The following CDH4 variants were observed in gnomAD, a reference collection of about 807,000 sequenced individuals.
CDH4 encodes cadherin-4.
CDH4 carries 33 observed loss-of-function variants against 86.0 expected under a neutral mutation model. The observed-to-expected ratio is 0.38, with a 90% CI of 0.29 to 0.51. The LOEUF is 0.51. Among genes scored for constraint, CDH4 ranks in the 20% least tolerant of loss-of-function variants. The pLI is 0.86. For missense variants in CDH4, 1,114 were observed against 1,307.4 expected (o/e 0.85, Z 2.28); for synonymous variants, 555 against 549.4 (o/e 1.01, Z -0.14).
At chr20:61,565,247 G>GGTGGTGCTCTTGGTGTTGGTTGTGGTC (rs2086273033) in intron 2 of CDH4, among the ~76,000 whole-genome samples, 1 of 116,308 alleles carries the variant, frequency 8.6e-6, no homozygotes, top group African/African-American at 3.3e-5. Context: ...TGGTGGCGGT[G>GGTGGTGCTCTTGGTGTTGGTTGTGGTC]CTCTTGGTGA....
chr20:61,319,429 G>C (rs1057024235), intron 2 of CDH4, among the ~76,000 whole-genome samples: 1 of 152,002 alleles, frequency 6.6e-6, no homozygotes, highest in East Asian at 1.9e-4. Flanking sequence ...TCATTCATCC[G>C]TCCACCTTGT....
chr20:61,839,347 GT>G (rs1568842942), intron 4 of CDH4, among the ~76,000 whole-genome samples: 3 of 151,872 alleles, frequency 2.0e-5, no homozygotes, highest in Admixed American at 2.0e-4. Context: ...CATATTTTGT[GT>G]TTGTGTATGT....
chr20:61,869,670 C>T (rs893695932), intron 6 of CDH4, among the ~76,000 whole-genome samples: 8 of 152,258 alleles, frequency 5.3e-5, no homozygotes, highest in African/African-American at 1.7e-4. Context: ...CTCACGTCCA[C>T]ATCCTGGCCC....
intron 2 of CDH4, among the ~76,000 whole-genome samples, chr20:61,593,529 T>C (rs548129648): frequency 1.3e-5 from 2 of 152,338 alleles, no homozygotes; most frequent in Admixed American, 1.3e-4. Context: ...TCCAGTTTCA[T>C]GTTTTAGTTT....
intron 4 of CDH4, among the ~76,000 whole-genome samples, chr20:61,823,371 G>A (rs1382628681): frequency 2.8e-4 from 6 of 21,586 alleles, no homozygotes; most frequent in Non-Finnish European, 6.1e-4. Flanking sequence ...CAGTGATGAT[G>A]ATGGCAGTGA....
chr20:61,877,897 G>A (rs748011703), intron 7 of CDH4, among the ~76,000 whole-genome samples: 10 of 152,096 alleles, frequency 6.6e-5, no homozygotes, highest in Admixed American at 1.3e-4. Context: ...GTGTGACAAC[G>A]CGTCTTTGGC....
At chr20:61,636,883 C>T (rs1056155413) in intron 2 of CDH4, among the ~76,000 whole-genome samples, 2 of 152,162 alleles carry the variant, frequency 1.3e-5, no homozygotes, top group African/African-American at 4.8e-5. Flanking sequence ...TAGCTGGGGG[C>T]CCACCCTCCC....
At chr20:61,665,644 C>G (rs1052646848) in intron 2 of CDH4, among the ~76,000 whole-genome samples, 1 of 152,210 alleles carries the variant, frequency 6.6e-6, no homozygotes. Flanking sequence ...ATGATGGATG[C>G]GAACGAGTGC....
At chr20:61,280,142 G>C (rs910554324) in intron 2 of CDH4, among the ~76,000 whole-genome samples, 1 of 152,122 alleles carries the variant, frequency 6.6e-6, no homozygotes. Flanking sequence ...GGTCTGCCAG[G>C]CTGGGTGGGG....
In CDH4 at chr20:61,886,951, G is replaced by A. The variant is rs141620514; in HGVS notation, c.1051-7959G>A. On this transcript the variant is annotated intron_variant, in intron 7 of 15. Coordinates refer to ENST00000614565, the MANE Select transcript of CDH4 (RefSeq NM_001794.5). The stretch of plus-strand genomic sequence containing the variant: ...AATGAAATGCACTTGAGGGCAAAGG[G>A]AGCAGCCCAATGTAAGCCTTTTAGA... 4.7e-4 allele frequency among the ~76,000 whole-genome samples: 71 copies of A among 152,288 alleles called. 1 individual carries two copies. Among genetic ancestry groups the A allele is most frequent in the African/African-American group, 1.5e-3 (62 of 41,558 alleles).
intron 2 of CDH4, among the ~76,000 whole-genome samples, chr20:61,443,468 A>G (rs1050380814): frequency 3.9e-5 from 6 of 152,254 alleles, no homozygotes; most frequent in Non-Finnish European, 8.8e-5. Flanking sequence ...ACATTTAAAC[A>G]TTTAAATCCA....
intron 6 of CDH4, among the ~76,000 whole-genome samples, chr20:61,865,500 G>T (rs1269023854): frequency 1.3e-5 from 2 of 151,946 alleles, no homozygotes; most frequent in Non-Finnish European, 2.9e-5. Flanking sequence ...ATCCTGGGTG[G>T]TTAGTGTATG....
At chr20:61,452,616 G>A (rs1220214337) in intron 2 of CDH4, among the ~76,000 whole-genome samples, 1 of 152,212 alleles carries the variant, frequency 6.6e-6, no homozygotes, top group Non-Finnish European at 1.5e-5. Flanking sequence ...TATTTATTCA[G>A]TTTTTAAATT....
intron 15 of CDH4, among the ~76,000 whole-genome samples, chr20:61,935,403 A>G (rs954221832): frequency 1.3e-5 from 2 of 152,248 alleles, no homozygotes; most frequent in African/African-American, 4.8e-5. Flanking sequence ...CGTCTATGAC[A>G]TAATAAAAAC....
chr20:61,476,256 C>A (rs543404615), intron 2 of CDH4, among the ~76,000 whole-genome samples: 7 of 152,200 alleles, frequency 4.6e-5, no homozygotes, highest in Non-Finnish European at 1.0e-4. Flanking sequence ...AAGCTCTGAA[C>A]TAAGCCCCTG....
intron 6 of CDH4, among the ~76,000 whole-genome samples, chr20:61,866,200 G>A (rs540666466): frequency 1.3e-5 from 2 of 152,144 alleles, no homozygotes; most frequent in Admixed American, 6.5e-5. Context: ...CAGCCCCTGG[G>A]GTATACACAA....
chr20:61,513,341 G>A (rs910718249), intron 2 of CDH4, among the ~76,000 whole-genome samples: 4 of 152,236 alleles, frequency 2.6e-5, no homozygotes, highest in Non-Finnish European at 2.9e-5. Flanking sequence ...CGACTGCGGG[G>A]GCTAACTTCC....
chr20:61,531,751 G>T (rs1190444356), intron 2 of CDH4, among the ~76,000 whole-genome samples: 1 of 152,226 alleles, frequency 6.6e-6, no homozygotes. Flanking sequence ...TTTGAGATGA[G>T]GCCGGGATGA....
intron 2 of CDH4, among the ~76,000 whole-genome samples, chr20:61,624,386 A>C (rs2086809078): frequency 1.3e-5 from 2 of 152,338 alleles, no homozygotes; most frequent in South Asian, 2.1e-4. Context: ...GCAGACATGG[A>C]GTCAGGGCTT....
Sources: allele counts gnomAD v4.1 joint callset (sites outside exome capture counted in the v4.1 genomes callset), GRCh38; gene constraint gnomAD v4.1.1; transcripts MANE v1.5; gene names NCBI Gene and HGNC (gene_info 2026-07-23, HGNC 2026-07-21).